The following TLR4 variants were observed in gnomAD, a reference collection of about 807,000 sequenced individuals.
The protein encoded by TLR4 is toll-like receptor 4.
TLR4 carries 17 observed loss-of-function variants against 27.4 expected under a neutral mutation model. The ratio of observed to expected loss-of-function variants is 0.62; its 90% CI spans 0.42 to 0.93. The LOEUF (loss-of-function observed/expected upper bound fraction) is 0.93, where lower values mean the gene tolerates loss of function less well. Among genes scored for constraint, TLR4 ranks in the 40% least tolerant of loss-of-function variants. The pLI is 0.00. For synonymous variants in TLR4, 363 were observed against 365.7 expected, an observed-to-expected ratio of 0.99 and a Z score of 0.08; for missense variants, 926 against 962.3, an observed-to-expected ratio of 0.96 and a Z score of 0.50.
In TLR4 at chr9:117,722,099, T is replaced by C. The variant is rs1829429049; in HGVS notation, c.*7451T>C. 1.3e-5 allele frequency: 2 copies of C among 152,214 alleles called. No homozygotes were observed. The highest frequency in any genetic ancestry group is 2.9e-5 in the Non-Finnish European group (2 of 68,034). 9.4% of individuals were successfully genotyped at this position (152,214 alleles called of 1,614,324 possible). A position where few individuals can be genotyped will look rare whatever the true frequency, so the allele number is the denominator to read the frequency against. ...ATATACCAGAAAAATGTTGTGGTCT[T>C]TTCTAAACTCTCTGAGGCATCTGTT... On this transcript the variant is annotated 3_prime_UTR_variant, in exon 3 of 3. Coordinates refer to ENST00000355622, the MANE Select transcript of TLR4 (RefSeq NM_138554.5).
At chr9:117,705,930 A>G (rs902883479) in intron 1 of TLR4, among the ~76,000 whole-genome samples, 1 of 152,194 alleles carries the variant, frequency 6.6e-6, no homozygotes, top group Non-Finnish European at 1.5e-5. Context: ...TGTGAGCCAC[A>G]TATGTACTTT....
intron 1 of TLR4, among the ~76,000 whole-genome samples, chr9:117,705,652 C>A (rs1021213991): frequency 6.6e-6 from 1 of 152,178 alleles, no homozygotes; most frequent in Non-Finnish European, 1.5e-5. Context: ...AAGGCAGGCC[C>A]TCATTTCCCC....
chr9:117,710,547 A>G (rs1216002443), intron 2 of TLR4, among the ~76,000 whole-genome samples: 1 of 151,970 alleles, frequency 6.6e-6, no homozygotes, highest in East Asian at 1.9e-4. Context: ...AACTTGCCCC[A>G]GAAACCTTAA....
Position 117,719,843 on chromosome 9 carries a change from A to G in TLR4, c.*5195A>G, listed in dbSNP as rs867555452. On this transcript the variant is annotated 3_prime_UTR_variant, in exon 3 of 3. Coordinates refer to ENST00000355622, the MANE Select transcript of TLR4 (RefSeq NM_138554.5). ...ACTCAAAGTAAAATCTGTGGAGTAA[A>G]TGGTCGATCAAAAGGAACCAACTAT... 2 of 152,168 alleles carry G rather than the reference A, an allele frequency of 1.3e-5. No homozygotes were observed. The highest frequency in any genetic ancestry group is 4.1e-4 in the South Asian group (2 of 4,826). The allele number at this position is 152,168 out of a possible 1,614,324, so 9.4% of individuals were successfully genotyped here.
rs201746544 is a variant in TLR4, at chr9:117,713,293, G to A, written c.1165G>A (p.Gly389Ser). Reference protein sequence around the residue: ...DLSRNGLSFKGCCSQSDFGTT... With the variant: ...DLSRNGLSFKSCCSQSDFGTT... The stretch of plus-strand genomic sequence containing the variant: ...CAGTAGAAATGGCTTGAGTTTCAAA[G>A]GTTGCTGTTCTCAAAGTGATTTTGG... Residue 389 changes from glycine (G) to serine (S), a missense_variant, in exon 3 of 3, where the codon GGT becomes AGT. By Grantham distance (56) the Gly-to-Ser change is moderately conservative. Coordinates refer to ENST00000355622, the MANE Select transcript of TLR4 (RefSeq NM_138554.5). 5.0e-5 allele frequency: 81 copies of A among 1,613,854 alleles called. 1 individual carries two copies. The highest frequency in any genetic ancestry group is 6.9e-5 in the Non-Finnish European group (81 of 1,180,000).
chr9:117,705,245 T>C (rs997756041), intron 1 of TLR4, among the ~76,000 whole-genome samples: 1 of 152,202 alleles, frequency 6.6e-6, no homozygotes, highest in Non-Finnish European at 1.5e-5. Flanking sequence ...TGGATCTCTT[T>C]TGTTTTTCCC....
chr9:117,713,284 A>G lies in TLR4; in HGVS notation c.1156A>G (p.Ser386Gly). 1 of 1,614,010 alleles carries G rather than the reference A, an allele frequency of 6.2e-7. No homozygotes were observed. Among genetic ancestry groups the G allele is most frequent in the Admixed American group, 1.7e-5 (1 of 59,990 alleles). Residue 386 changes from serine to glycine, a missense_variant, in exon 3 of 3, where the codon AGT (serine) becomes GGT (glycine). Physicochemically the swap from Ser to Gly is moderately conservative, Grantham distance 56. Transcript: ENST00000355622. Reference protein sequence around the residue: ...EFLDLSRNGLSFKGCCSQSDF... With the variant: ...EFLDLSRNGLGFKGCCSQSDF... ...TCTAGATCTCAGTAGAAATGGCTTG[A>G]GTTTCAAAGGTTGCTGTTCTCAAAG... is the stretch of plus-strand genomic sequence containing the variant.
intron 1 of TLR4, among the ~76,000 whole-genome samples, chr9:117,704,788 G>T (rs886729774): frequency 6.6e-6 from 1 of 152,160 alleles, no homozygotes; most frequent in South Asian, 2.1e-4. Flanking sequence ...AGGGGCATGA[G>T]ATAACATAGA....
chr9:117,713,389 T>G lies in TLR4; in HGVS notation c.1261T>G (p.Leu421Val), dbSNP rs137906784. 2 of 1,614,004 alleles carry G rather than the reference T, an allele frequency of 1.2e-6. No individual in the cohort carries two copies. The highest frequency in any genetic ancestry group is 2.7e-5 in the African/African-American group (2 of 74,938). ...TACCATGAGTTCAAACTTCTTGGGCTTAGAACAACTAGAACATCTGGATTT... is the reference window on the plus strand; with the variant it reads ...TACCATGAGTTCAAACTTCTTGGGCGTAGAACAACTAGAACATCTGGATTT... Reference protein sequence around the residue: ...VITMSSNFLGLEQLEHLDFQH... With the variant: ...VITMSSNFLGVEQLEHLDFQH... Residue 421 changes from leucine (L) to valine (V), a missense_variant, in exon 3 of 3, where the codon TTA becomes GTA. Leu to Val is a conservative substitution (Grantham distance 32). Coordinates refer to ENST00000355622, the MANE Select transcript of TLR4 (RefSeq NM_138554.5).
At chr9:117,708,182 T>G (rs1450674669) in intron 1 of TLR4, 1 of 1,017,484 alleles carries the variant, frequency 9.8e-7, no homozygotes, top group East Asian at 8.8e-5. Context: ...TCGTTTTATT[T>G]TGTTTTGTTT....
At position 117,712,771 on chromosome 9, in the gene TLR4, A is replaced by G. The variant is rs1442432229; in HGVS notation, c.643A>G (p.Met215Val). 34 of 1,613,946 alleles carry G rather than the reference A, an allele frequency of 2.1e-5. No homozygotes were observed. The highest frequency in any genetic ancestry group is 1.6e-4 in the East Asian group (7 of 44,880). The part of the protein sequence containing the change: ...NLSLDLSLNP[M>V]NFIQPGAFKE... The stretch of plus-strand genomic sequence containing the variant: ...CTCTTTAGACCTGTCCCTGAACCCT[A>G]TGAACTTTATCCAACCAGGTGCATT... Residue 215 changes from methionine (M) to valine (V), a missense_variant, in exon 3 of 3, where the codon ATG becomes GTG. Physicochemically the swap from Met to Val is conservative, Grantham distance 21 (BLOSUM62 1). Transcript: ENST00000355622.
Position 117,724,490 on chromosome 9 carries a change from T to A in TLR4, c.*9842T>A, listed in dbSNP as rs1829456658. ...TGATGTTCATTTTCTCCTTGCTCTCTTTCTTCCTTTCTTGTCTGTGAACTC... is the reference window on the plus strand; with the variant it reads ...TGATGTTCATTTTCTCCTTGCTCTCATTCTTCCTTTCTTGTCTGTGAACTC... On this transcript the variant is annotated 3_prime_UTR_variant, in exon 3 of 3. Transcript: ENST00000355622. The A allele has an allele frequency of 6.6e-6, 1 of 152,220 alleles. No individual in the cohort carries two copies. 9.4% of individuals were successfully genotyped at this position (152,220 alleles called of 1,614,324 possible). A position where few individuals can be genotyped will look rare whatever the true frequency, so the allele number is the denominator to read the frequency against.
intron 1 of TLR4, among the ~76,000 whole-genome samples, chr9:117,705,752 C>A (rs909189990): frequency 2.0e-5 from 3 of 152,096 alleles, no homozygotes; most frequent in African/African-American, 7.2e-5. Context: ...TATGTACTTG[C>A]ATTTGTTGTT....
chr9:117,711,444 G>A lies in TLR4; in HGVS notation c.261-945G>A, dbSNP rs1451172879. Among the ~76,000 whole-genome samples the A allele has an allele frequency of 4.6e-5, 7 of 152,180 alleles. 1 individual carries two copies. Among genetic ancestry groups the A allele is most frequent in the African/African-American group, 1.4e-4 (6 of 41,454 alleles). ...TAGGACATGTCTCTGAACATTGTGT[G>A]TAGCATGGCTTTCATTTCTTTTAGG... On this transcript the variant is annotated intron_variant, in intron 2 of 2. Coordinates refer to ENST00000355622, the MANE Select transcript of TLR4 (RefSeq NM_138554.5).
chr9:117,712,891 G>T lies in TLR4; in HGVS notation c.763G>T (p.Val255Phe). 1 of 1,614,088 alleles carries T rather than the reference G, an allele frequency of 6.2e-7. No homozygotes were observed. The highest frequency in any genetic ancestry group is 1.1e-5 in the South Asian group (1 of 91,086). The change falls in exon 3 of 3, where the codon GTC (valine) becomes TTC (phenylalanine). Residue 255 changes from valine (V) to phenylalanine (F), a missense_variant. Val to Phe is a conservative substitution (Grantham distance 50). Transcript: ENST00000355622. ...TATTCAAGGTCTGGCTGGTTTAGAA[G>T]TCCATCGTTTGGTTCTGGGAGAATT... ...TCIQGLAGLE[V>F]HRLVLGEFRN...
Position 117,704,585 on chromosome 9 carries a change from T to A in TLR4, c.93+20T>A. The A allele has an allele frequency of 1.9e-6, 3 of 1,607,414 alleles. No individual in the cohort carries two copies. Among genetic ancestry groups the A allele is most frequent in the Non-Finnish European group, 2.6e-6 (3 of 1,174,372 alleles). ...GTGGAGGTATGTGGCTGGAGTCAGC[T>A]CCTCTGAACTTTCCCTCACTTCTGC... On this transcript the variant is annotated intron_variant, in intron 1 of 2. Transcript: ENST00000355622.
chr9:117,713,682 A>C lies in TLR4; in HGVS notation c.1554A>C (p.Ser518=). The C allele has an allele frequency of 6.2e-7, 1 of 1,613,534 alleles. No individual in the cohort carries two copies. The change falls in exon 3 of 3, where the codon TCA becomes TCC. Residue 518 remains serine (S), a synonymous_variant. Coordinates refer to ENST00000355622, the MANE Select transcript of TLR4 (RefSeq NM_138554.5). ...AGTTGTCTCCAACAGCATTTAACTCACTCTCCAGTCTTCAGGTACTAAATA... is the reference window on the plus strand; with the variant it reads ...AGTTGTCTCCAACAGCATTTAACTCCCTCTCCAGTCTTCAGGTACTAAATA... The part of the protein sequence containing the change: ...LEQLSPTAFN[S]LSSLQVLNMS...
intron 1 of TLR4, among the ~76,000 whole-genome samples, chr9:117,707,547 C>T (rs565041140): frequency 3.5e-4 from 53 of 152,290 alleles, no homozygotes; most frequent in Middle Eastern, 6.8e-3. Flanking sequence ...AATTAGCTGG[C>T]TTCTGCAAGG....
In TLR4 at chr9:117,716,528, G is replaced by A. The variant is rs200848571; in HGVS notation, c.*1880G>A. Reference sequence around the variant, plus strand: ...TAAAATAGTCAAACTCATAGAAGCAGAGAATAGAACAGTGGTTCCTAGGGA... The same window carrying A: ...TAAAATAGTCAAACTCATAGAAGCAAAGAATAGAACAGTGGTTCCTAGGGA... On this transcript the variant is annotated 3_prime_UTR_variant, in exon 3 of 3. Transcript: ENST00000355622. The A allele has an allele frequency of 1.3e-5, 2 of 152,296 alleles. No individual in the cohort carries two copies. Among genetic ancestry groups the A allele is most frequent in the African/African-American group, 4.8e-5 (2 of 41,570 alleles). 9.4% of individuals were successfully genotyped at this position (152,296 alleles called of 1,614,324 possible).
Sources: allele counts gnomAD v4.1 joint callset (sites outside exome capture counted in the v4.1 genomes callset), GRCh38; gene constraint gnomAD v4.1.1; transcripts MANE v1.5; gene names NCBI Gene and HGNC (gene_info 2026-07-23, HGNC 2026-07-21).